Variants in GRID2IP observed in about 807,000 individuals in gnomAD.
The protein encoded by GRID2IP is Grid2 interacting protein.
In GRID2IP, 78 loss-of-function variants were observed where a neutral mutation model predicts 114.3. That is an observed-to-expected ratio of 0.68 (90% CI 0.57 to 0.82). The LOEUF is 0.82. GRID2IP is among the 40% of genes least tolerant of loss of function. The pLI, the probability that GRID2IP is intolerant of heterozygous loss-of-function variation, is 0.00. For synonymous variants in GRID2IP, 809 were observed against 724.0 expected (o/e 1.12, Z -1.89); for missense variants, 1,727 against 1,678.5 (o/e 1.03, Z -0.51).
intron 15 of GRID2IP, 129 bp from the exon 16 acceptor site, chr7:6,503,816 C>A (rs898575584): frequency 1.1e-5 from 7 of 631,780 alleles, no homozygotes; most frequent in Non-Finnish European, 1.8e-5. Context: ...GAGGACGGGG[C>A]CTTGAGGCTG....
At chr7:6,530,028 C>G (rs575842942) in intron 2 of GRID2IP, among the ~76,000 whole-genome samples, 1 of 151,524 alleles carries the variant, frequency 6.6e-6, no homozygotes, top group African/African-American at 2.4e-5. Flanking sequence ...GTGCGATCTC[C>G]GCTCACTGCA....
rs143746747 is a variant in GRID2IP, at chr7:6,509,494, G to T, written c.1772-181C>A. On this transcript the variant is annotated intron_variant, in intron 11 of 21. Transcript: ENST00000457091. This position sits in a 1 kb window ranked among gnomAD's most constrained non-coding sequence, Gnocchi z 4.9. ...GCCTTCCAAGCATGACTAAAGGCCA[G>T]ATCTGGTGAGCAGGAGCACTGCTCG... Among the ~76,000 whole-genome samples the T allele has an allele frequency of 4.7e-4, 71 of 152,196 alleles. No homozygotes were observed. Among genetic ancestry groups the T allele is most frequent in the African/African-American group, 1.7e-3 (69 of 41,454 alleles).
chr7:6,505,386 G>T (rs1409233262), intron 14 of GRID2IP, among the ~76,000 whole-genome samples: 2 of 144,518 alleles, frequency 1.4e-5, no homozygotes, highest in Non-Finnish European at 3.0e-5. Flanking sequence ...TTTAGACGGG[G>T]TCTCACTGTG....
intron 1 of GRID2IP, among the ~76,000 whole-genome samples, chr7:6,546,300 C>G (rs1217894802): frequency 1.3e-5 from 2 of 150,900 alleles, no homozygotes; most frequent in Non-Finnish European, 3.0e-5. Context: ...TCTACTTGAA[C>G]TCCTGACCTC....
At chr7:6,548,569 G>A (rs955358794) in intron 1 of GRID2IP, among the ~76,000 whole-genome samples, 2 of 152,050 alleles carry the variant, frequency 1.3e-5, no homozygotes, top group Non-Finnish European at 2.9e-5. Flanking sequence ...CAGATGCGGT[G>A]GCTCACGCCT....
intron 7 of GRID2IP, among the ~76,000 whole-genome samples, chr7:6,515,928 C>G (rs977910632): frequency 6.6e-5 from 10 of 151,418 alleles, no homozygotes; most frequent in African/African-American, 2.4e-4. Flanking sequence ...GAAACCCCCT[C>G]TCTACTAAAA....
At chr7:6,549,573 T>G (rs1779937022) in intron 1 of GRID2IP, among the ~76,000 whole-genome samples, 1 of 152,198 alleles carries the variant, frequency 6.6e-6, no homozygotes, top group South Asian at 2.1e-4. Flanking sequence ...TAATCCTGGT[T>G]TTGTGGGGGC....
chr7:6,534,741 T>A lies in GRID2IP; in HGVS notation c.584+4977A>T, dbSNP rs1325803313. ...TTTTTTTTTTGGAACAGAGTCTGGC[T>A]CTGTCACCCAGGCTGGAGGCTGGAG... On this transcript the variant is annotated intron_variant, in intron 2 of 21. Transcript: ENST00000457091. This position sits in a 1 kb window ranked among gnomAD's most constrained non-coding sequence, Gnocchi z 4.5. Among the ~76,000 whole-genome samples, 1 of 152,102 alleles carries A rather than the reference T, an allele frequency of 6.6e-6. No homozygotes were observed. Among genetic ancestry groups the A allele is most frequent in the Non-Finnish European group, 1.5e-5 (1 of 68,026 alleles).
chr7:6,529,248 CG>C (rs1417268164), intron 2 of GRID2IP, among the ~76,000 whole-genome samples: 2 of 151,994 alleles, frequency 1.3e-5, no homozygotes, highest in African/African-American at 4.8e-5. Flanking sequence ...GTCAGGAGTT[CG>C]AGACCAGCCT....
In GRID2IP at chr7:6,497,822, G is replaced by A. The variant is rs930138136; in HGVS notation, c.3588C>T (p.Ala1196=). ...TCCCGGAGCTGCGCAGGCCCTCCCC[G>A]GCCTGCAGGTCACTCAGCGCTCGCT... ...KFERALSDLQ[A]GEGLRSSGMV... is the part of the protein sequence containing the mutation. The change falls in exon 22 of 22, where the codon GCC becomes GCT. Residue 1196 remains alanine (A), a synonymous_variant. Transcript: ENST00000457091. 5.2e-5 allele frequency: 80 copies of A among 1,550,140 alleles called. No homozygotes were observed. The highest frequency in any genetic ancestry group is 1.4e-4 in the Admixed American group (7 of 50,948).
chr7:6,498,986 C>T (rs147738514), intron 20 of GRID2IP, among the ~76,000 whole-genome samples: 76 of 152,268 alleles, frequency 5.0e-4, no homozygotes, highest in Non-Finnish European at 8.2e-4. Context: ...CCTTGCACCT[C>T]CAGGGCTTAG....
At chr7:6,497,990 A>G in intron 21 of GRID2IP, 74 bp downstream of exon 21, 5 of 1,455,388 alleles carry the variant, frequency 3.4e-6, no homozygotes, top group South Asian at 1.4e-5. Flanking sequence ...CCCTGGCTTC[A>G]TGGAGGATCC....
rs1416851700 is a variant in GRID2IP at position 6,497,625 on chromosome 7, C to A, written c.*149G>T. The stretch of plus-strand genomic sequence containing the variant: ...AAGGGCTGGCAGAGGAGGGCCCGAC[C>A]ACAGCTCGGCGGCTGAGGTAGCTGC... On this transcript the variant is annotated 3_prime_UTR_variant, in exon 22 of 22. Coordinates refer to ENST00000457091, the MANE Select transcript of GRID2IP (RefSeq NM_001145118.2). 4 of 585,318 alleles carry A rather than the reference C, an allele frequency of 6.8e-6. No individual in the cohort carries two copies. Among genetic ancestry groups the A allele is most frequent in the Non-Finnish European group, 1.2e-5 (4 of 337,734 alleles). 36.3% of individuals were successfully genotyped at this position (585,318 alleles called of 1,614,324 possible).
Position 6,526,594 on chromosome 7 carries a change from G to C in GRID2IP, c.760C>G (p.Arg254Gly). 1 of 1,189,806 alleles carries C rather than the reference G, an allele frequency of 8.4e-7. No homozygotes were observed. Among genetic ancestry groups the C allele is most frequent in the Non-Finnish European group, 1.0e-6 (1 of 961,930 alleles). The allele number at this position is 1,189,806 out of a possible 1,614,324, so 73.7% of individuals were successfully genotyped here. ...CTGCGCGGGGGCGGCTCATCGGGGC[G>C]GCGCGGCGGGGCGCTGGCGCGCGTG... is the stretch of plus-strand genomic sequence containing the variant. ...VSTRASAPPR[R>G]PDEPPPRRAS... is the part of the protein sequence containing the mutation. The change falls in exon 3 of 22, where the codon CGC becomes GGC. Residue 254 changes from arginine (R) to glycine (G), a missense_variant. Arg to Gly is a moderately radical substitution (Grantham distance 125). Coordinates refer to ENST00000457091, the MANE Select transcript of GRID2IP (RefSeq NM_001145118.2). This position sits in a 1 kb window ranked among gnomAD's most constrained non-coding sequence, Gnocchi z 7.6.
At position 6,520,618 on chromosome 7, in the gene GRID2IP, A is replaced by G. The variant is rs1267158404; in HGVS notation, c.1228T>C (p.Tyr410His). The change falls in exon 7 of 22, where the codon TAT becomes CAT. Residue 410 changes from tyrosine to histidine, a missense_variant. Tyr to His is a moderately conservative substitution (Grantham distance 83). Coordinates refer to ENST00000457091, the MANE Select transcript of GRID2IP (RefSeq NM_001145118.2). This position sits in a 1 kb window ranked among gnomAD's most constrained non-coding sequence, Gnocchi z 4.6. ...CTCTCGAGGGCCCGGCAGACCCCATAGCGCTCAGGAGGTGTGAGTAGGTGC... is the reference window on the plus strand; with the variant it reads ...CTCTCGAGGGCCCGGCAGACCCCATGGCGCTCAGGAGGTGTGAGTAGGTGC... ...LEHLLTPPER[Y>H]GVCRALESFF... 3 of 1,551,688 alleles carry G rather than the reference A, an allele frequency of 1.9e-6. No individual in the cohort carries two copies. The highest frequency in any genetic ancestry group is 2.4e-5 in the South Asian group (2 of 84,056).
rs764739667 is a variant in GRID2IP at position 6,538,899 on chromosome 7, GAGAA to G, written c.584+815_584+818del. On this transcript the variant is annotated intron_variant, in intron 2 of 21. Transcript: ENST00000457091. ...AAAAGAAAGGAAGATGAAAGAAAGA[GAGAA>G]AGAGAGAGAGAGAGAAGAAAGGAAA... Among the ~76,000 whole-genome samples, 8 of 151,936 alleles carry G rather than the reference GAGAA, an allele frequency of 5.3e-5. No individual in the cohort carries two copies. The East Asian group carries it at 1.4e-3, about 26-fold the overall frequency.
intron 14 of GRID2IP, among the ~76,000 whole-genome samples, chr7:6,505,406 T>G (rs1248892724): frequency 6.7e-6 from 1 of 150,164 alleles, no homozygotes; most frequent in Non-Finnish European, 1.5e-5. Flanking sequence ...GTCACCCAGG[T>G]TACCAGGTCG....
intron 1 of GRID2IP, among the ~76,000 whole-genome samples, chr7:6,544,086 C>G (rs932793422): frequency 2.0e-5 from 3 of 151,860 alleles, no homozygotes; most frequent in African/African-American, 7.3e-5. Flanking sequence ...TCTGAGCCAT[C>G]GTGCCTGGCC....
At chr7:6,542,716 G>A (rs1222733602) in intron 1 of GRID2IP, among the ~76,000 whole-genome samples, 6 of 152,166 alleles carry the variant, frequency 3.9e-5, no homozygotes, top group African/African-American at 1.4e-4. Flanking sequence ...AAGGAGTGCA[G>A]AATTTCTTGT....
Sources: allele counts gnomAD v4.1 joint callset (sites outside exome capture counted in the v4.1 genomes callset), GRCh38; gene constraint gnomAD v4.1.1; non-coding constraint Gnocchi (gnomAD v3.1); transcripts MANE v1.5; gene names NCBI Gene and HGNC (gene_info 2026-07-23, HGNC 2026-07-21).